Variants in COL23A1 observed in about 807,000 individuals in gnomAD.
COL23A1 encodes the protein collagen type XXIII alpha 1 chain, also known as collagen alpha-1(XXIII) chain.
Under a neutral mutation model 99.3 loss-of-function variants are expected in COL23A1, and 97 were observed. The observed-to-expected ratio is 0.98, with a 90% confidence interval of 0.83 to 1.16. The LOEUF is 1.16. Ranked by LOEUF, COL23A1 falls within the 50% of genes most tolerant of loss-of-function variation. The pLI is 0.00. For missense variants in COL23A1, 762 were observed against 757.4 expected (o/e 1.01, Z -0.07); for synonymous variants, 320 against 308.2 (o/e 1.04, Z -0.40).
At chr5:178,574,728 C>A (rs767108471) in intron 1 of COL23A1, among the ~76,000 whole-genome samples, 1 of 152,266 alleles carries the variant, frequency 6.6e-6, no homozygotes, top group East Asian at 1.9e-4. Flanking sequence ...TGTCAAGAAA[C>A]GTAAGACAAT....
intron 3 of COL23A1, among the ~76,000 whole-genome samples, chr5:178,303,999 G>C (rs1444692196): frequency 1.3e-5 from 2 of 152,222 alleles, no homozygotes; most frequent in Non-Finnish European, 2.9e-5. Context: ...CAGAGTGCAG[G>C]CACAGTTCTG....
At chr5:178,244,065 C>T (rs555515826) in intron 25 of COL23A1, among the ~76,000 whole-genome samples, 4 of 152,288 alleles carry the variant, frequency 2.6e-5, no homozygotes, top group South Asian at 2.1e-4. Flanking sequence ...TTGCAAGCTC[C>T]GCCTCCTGGG....
chr5:178,585,906 C>T (rs1441152903), intron 1 of COL23A1, among the ~76,000 whole-genome samples: 2 of 152,196 alleles, frequency 1.3e-5, no homozygotes, highest in South Asian at 4.1e-4. Flanking sequence ...GGATGGCGAC[C>T]CTGTGACCTA....
chr5:178,357,718 A>ATGTG (rs144352054), intron 2 of COL23A1, among the ~76,000 whole-genome samples: 11 of 145,850 alleles, frequency 7.5e-5, no homozygotes, highest in African/African-American at 1.5e-4. Flanking sequence ...AAATGTGTGT[A>ATGTG]TGTGTGTGTG....
At position 178,238,459 on chromosome 5, in the gene COL23A1, T is replaced by C; in HGVS notation, c.*239A>G. On this transcript the variant is annotated 3_prime_UTR_variant, in exon 29 of 29. Transcript: ENST00000390654. ...GCCAGGTGCTTCTACCTTCATCTCC[T>C]TCCTGGGAAAGCCCAGGCCCAAGGG... The C allele has an allele frequency of 1.8e-6, 1 of 565,306 alleles. No individual in the cohort carries two copies. 35.0% of individuals were successfully genotyped at this position (565,306 alleles called of 1,614,324 possible).
At chr5:178,344,500 G>T (rs10041297) in intron 2 of COL23A1, among the ~76,000 whole-genome samples, 1 of 152,210 alleles carries the variant, frequency 6.6e-6, no homozygotes, top group African/African-American at 2.4e-5. Context: ...AGCCAGGTCT[G>T]GTGGCGTGCC....
At chr5:178,541,488 T>C (rs1400525780) in intron 2 of COL23A1, among the ~76,000 whole-genome samples, 2 of 152,102 alleles carry the variant, frequency 1.3e-5, no homozygotes, top group Non-Finnish European at 2.9e-5. Flanking sequence ...GGCAGGAGAA[T>C]CGCTGGAACC....
At chr5:178,329,372 G>A (rs1759876234) in intron 2 of COL23A1, among the ~76,000 whole-genome samples, 1 of 152,054 alleles carries the variant, frequency 6.6e-6, no homozygotes, top group Non-Finnish European at 1.5e-5. Flanking sequence ...AGAGAGTGGG[G>A]CCTCAAGTCT....
At chr5:178,548,005 C>CCA (rs1761792140) in intron 2 of COL23A1, among the ~76,000 whole-genome samples, 2 of 4,876 alleles carry the variant, frequency 4.1e-4, no homozygotes, top group African/African-American at 6.5e-4. Context: ...ACCCCCATAC[C>CCA]CACCCACACA....
chr5:178,355,399 T>TA (rs1189134410), intron 2 of COL23A1, among the ~76,000 whole-genome samples: 1 of 152,204 alleles, frequency 6.6e-6, no homozygotes, highest in Non-Finnish European at 1.5e-5. Context: ...CACAACGCTA[T>TA]ACAGATATGG....
intron 1 of COL23A1, among the ~76,000 whole-genome samples, chr5:178,585,231 C>T (rs1763868499): frequency 6.6e-6 from 1 of 152,210 alleles, no homozygotes; most frequent in African/African-American, 2.4e-5. Flanking sequence ...TGAACCCCCG[C>T]TCTGCCCCAC....
rs1030552264 is a variant in COL23A1, at chr5:178,501,912, C to T, written c.361+58770G>A. Among the ~76,000 whole-genome samples the T allele has an allele frequency of 7.9e-5, 12 of 152,262 alleles. No homozygotes were observed. The East Asian group carries it at 9.7e-4, about 12-fold the overall frequency. On this transcript the variant is annotated intron_variant, in intron 2 of 28. Transcript: ENST00000390654. ...GACTTCCACCTCCACCCGCAGTGGG[C>T]GGCACCCACCCTTCCCCTACAGGGC...
intron 5 of COL23A1, among the ~76,000 whole-genome samples, chr5:178,286,638 C>T (rs1395273147): frequency 6.6e-6 from 1 of 152,216 alleles, no homozygotes; most frequent in Non-Finnish European, 1.5e-5. Context: ...ACTCCATCCG[C>T]ACCCAGCCTC....
intron 2 of COL23A1, among the ~76,000 whole-genome samples, chr5:178,527,706 G>A (rs551009840): frequency 1.3e-5 from 2 of 152,234 alleles, no homozygotes; most frequent in East Asian, 3.9e-4. Context: ...GTGTGCTCCC[G>A]GGGACCCCAC....
chr5:178,277,251 C>T lies in COL23A1; in HGVS notation c.442-6888G>A, dbSNP rs1041613177. The stretch of plus-strand genomic sequence containing the variant: ...TGTGGTGGCACATGCCTGTAGCTCC[C>T]GCTACTCAGGAGGCTGAGGCAGGAG... On this transcript the variant is annotated intron_variant, in intron 5 of 28. Coordinates refer to ENST00000390654, the MANE Select transcript of COL23A1 (RefSeq NM_173465.4). 2.6e-5 allele frequency among the ~76,000 whole-genome samples: 4 copies of T among 151,848 alleles called. No homozygotes were observed. In the South Asian group the frequency reaches 6.2e-4, roughly 24 times the overall value.
chr5:178,290,989 T>C (rs73342869), intron 3 of COL23A1, among the ~76,000 whole-genome samples: 3,562 of 152,322 alleles, frequency 0.023, 124 homozygotes, highest in African/African-American at 0.082. Flanking sequence ...GTTATTGCAT[T>C]TGACCTTCCC....
chr5:178,310,168 G>A lies in COL23A1; in HGVS notation c.362-3249C>T, dbSNP rs1384764995. Among the ~76,000 whole-genome samples, 1 of 152,096 alleles carries A rather than the reference G, an allele frequency of 6.6e-6. No homozygotes were observed. The highest frequency in any genetic ancestry group is 2.4e-5 in the African/African-American group (1 of 41,382). On this transcript the variant is annotated intron_variant, in intron 2 of 28. Transcript: ENST00000390654. The surrounding 1 kb of genome is among the most constrained non-coding windows in gnomAD (Gnocchi z 4.3). ...GCGGTGAGGCCCTGGGAGAGGGCGA[G>A]TGTGCCGGAGCTGCACTCCCTGCTG...
In COL23A1 at chr5:178,407,459, G is replaced by A. The variant is rs184189831; in HGVS notation, c.362-100540C>T. 3.7e-3 allele frequency among the ~76,000 whole-genome samples: 570 copies of A among 152,272 alleles called. 10 individuals carry two copies. The highest frequency in any genetic ancestry group is 0.034 in the Admixed American group (526 of 15,286). ...GATCATGCATCATACCAAGAACCAG[G>A]CAAACCTCAACTCCAATGGGAAAAG... On this transcript the variant is annotated intron_variant, in intron 2 of 28. Coordinates refer to ENST00000390654, the MANE Select transcript of COL23A1 (RefSeq NM_173465.4).
chr5:178,372,370 C>G (rs1348753707), intron 2 of COL23A1, among the ~76,000 whole-genome samples: 1 of 152,200 alleles, frequency 6.6e-6, no homozygotes, highest in East Asian at 1.9e-4. Context: ...GTTGCTGACT[C>G]TGGTGTTGGC....
Sources: allele counts gnomAD v4.1 joint callset (sites outside exome capture counted in the v4.1 genomes callset), GRCh38; gene constraint gnomAD v4.1.1; non-coding constraint Gnocchi (gnomAD v3.1); transcripts MANE v1.5; gene names NCBI Gene and HGNC (gene_info 2026-07-23, HGNC 2026-07-21).